Variants in SLF1 observed in about 807,000 individuals in gnomAD.
SLF1 encodes the protein SMC5-SMC6 complex localization factor protein 1.
SLF1 carries 105 observed loss-of-function variants against 123.0 expected under a neutral mutation model. That is an observed-to-expected ratio of 0.85 (90% CI 0.73 to 1.00). SLF1 has a LOEUF of 1.00. SLF1 is among the 50% of genes least tolerant of loss of function. The pLI, the probability that SLF1 is intolerant of heterozygous loss-of-function variation, is 0.00. For missense variants in SLF1, 1,239 were observed against 1,223.0 expected (o/e 1.01, Z -0.20); for synonymous variants, 434 against 406.6 (o/e 1.07, Z -0.81).
intron 4 of SLF1, among the ~76,000 whole-genome samples, chr5:94,637,203 T>C (rs1447809047): frequency 6.6e-6 from 1 of 152,196 alleles, no homozygotes; most frequent in East Asian, 1.9e-4. Context: ...AGGTGTTCTT[T>C]GGCAGGGACA....
chr5:94,644,680 T>A (rs1346217098), intron 5 of SLF1, among the ~76,000 whole-genome samples: 1 of 152,172 alleles, frequency 6.6e-6, no homozygotes, highest in Non-Finnish European at 1.5e-5. Flanking sequence ...CCTGTTACAA[T>A]GTTACTCTAC....
rs1487506176 is a variant in SLF1, at chr5:94,692,241, C to G, written c.2680C>G (p.Leu894Val). Residue 894 changes from leucine (L) to valine (V), a missense_variant, in exon 20 of 21, where the codon CTA (leucine) becomes GTA (valine). Transcript: ENST00000265140. ...SNGHVEIGKL[L>V]LQHGGPVLLQ... The stretch of plus-strand genomic sequence containing the variant: ...CGGACATGTAGAAATTGGCAAGCTG[C>G]TACTACAGCATGGGGGTGAGTGTGT... 1.5e-5 allele frequency: 24 copies of G among 1,613,386 alleles called. No individual in the cohort carries two copies. The highest frequency in any genetic ancestry group is 1.9e-5 in the Non-Finnish European group (23 of 1,179,608).
chr5:94,619,929 C>T (rs1296970065), intron 1 of SLF1: 1 of 152,218 alleles, frequency 6.6e-6, no homozygotes, highest in Admixed American at 6.5e-5. Flanking sequence ...GTTGCCCAGG[C>T]TGGAGTGCAG....
chr5:94,630,519 C>G lies in SLF1; in HGVS notation c.207C>G (p.Thr69=). Residue 69 remains threonine (T), a synonymous_variant, in exon 4 of 21, where the codon ACC becomes ACG. Coordinates refer to ENST00000265140, the MANE Select transcript of SLF1 (RefSeq NM_032290.4). The part of the protein sequence containing the change: ...AACAAGKWIL[T]KDYIIHSAKS... ...GCTTTCTAGGAAAGTGGATACTAAC[C>G]AAGGACTATATAATTCATAGTGCCA... 3 of 1,550,972 alleles carry G rather than the reference C, an allele frequency of 1.9e-6. No individual in the cohort carries two copies. The highest frequency in any genetic ancestry group is 2.6e-6 in the Non-Finnish European group (3 of 1,146,418).
intron 9 of SLF1, among the ~76,000 whole-genome samples, chr5:94,657,391 G>A (rs1748530888): frequency 6.6e-6 from 1 of 151,930 alleles, no homozygotes; most frequent in Non-Finnish European, 1.5e-5. Flanking sequence ...TTATTCCATT[G>A]TTGTCTGAGA....
At chr5:94,618,842 A>C (rs1297009568) in intron 1 of SLF1, 77 bp downstream of exon 1, 1 of 154,814 alleles carries the variant, frequency 6.5e-6, no homozygotes, top group Admixed American at 6.5e-5. Context: ...GTACCTCCGA[A>C]GTTTCTGCCT....
chr5:94,640,162 T>C (rs1052451683), intron 4 of SLF1, among the ~76,000 whole-genome samples: 3 of 152,244 alleles, frequency 2.0e-5, no homozygotes, highest in African/African-American at 4.8e-5. Context: ...AAGAACTCTT[T>C]TTAACAGTTC....
intron 4 of SLF1, among the ~76,000 whole-genome samples, chr5:94,641,018 A>G (rs1746378050): frequency 6.6e-6 from 1 of 151,730 alleles, no homozygotes; most frequent in Middle Eastern, 3.2e-3. Context: ...TATTTTTTTT[A>G]TTGCATGCCG....
At chr5:94,635,337 CTTTTTTTTTTTTT>C (rs34524874) in intron 4 of SLF1, among the ~76,000 whole-genome samples, 9 of 43,882 alleles carry the variant, frequency 2.1e-4, no homozygotes, top group Non-Finnish European at 8.4e-5. Context: ...ACATACTCGG[CTTTTTTTTTTTTT>C]TTTTTTTTTT....
In SLF1 at chr5:94,623,887, T is replaced by C. The variant is rs1326737794; in HGVS notation, c.1-4924T>C. On this transcript the variant is annotated intron_variant, in intron 1 of 20. Transcript: ENST00000265140. Reference sequence around the variant, plus strand: ...CAGTATATCTATACATGTTTATATCTATTCCTACATATATAGTTTTCCTGT... The same window carrying C: ...CAGTATATCTATACATGTTTATATCCATTCCTACATATATAGTTTTCCTGT... Among the ~76,000 whole-genome samples, 3 of 152,206 alleles carry C rather than the reference T, an allele frequency of 2.0e-5. No homozygotes were observed. In the East Asian group the frequency reaches 5.8e-4, roughly 29 times the overall value.
Position 94,686,643 on chromosome 5 carries a change from A to G in SLF1, c.2046A>G (p.Ala682=). The change falls in exon 16 of 21, where the codon GCA becomes GCG. Residue 682 remains alanine (A), a synonymous_variant. Coordinates refer to ENST00000265140, the MANE Select transcript of SLF1 (RefSeq NM_032290.4). ...FSSSWLQMFV[A]EAVFKKLCLQ... ...CCTCCTGGCTTCAAATGTTTGTTGCAGAGGCAGTCTTTAAAAAGTTGTGTC... is the reference window on the plus strand; with the variant it reads ...CCTCCTGGCTTCAAATGTTTGTTGCGGAGGCAGTCTTTAAAAAGTTGTGTC... The G allele has an allele frequency of 1.2e-6, 2 of 1,614,100 alleles. No individual in the cohort carries two copies. The highest frequency in any genetic ancestry group is 1.7e-6 in the Non-Finnish European group (2 of 1,179,960).
rs534868485 is a variant in SLF1, at chr5:94,629,156, C to T, written c.179C>T (p.Ala60Val). Residue 60 changes from alanine to valine, a missense_variant, in exon 3 of 21, where the codon GCT becomes GTT. Physicochemically the swap from Ala to Val is moderately conservative, Grantham distance 64. Coordinates refer to ENST00000265140, the MANE Select transcript of SLF1 (RefSeq NM_032290.4). The part of the protein sequence containing the change: ...RLCKSEKFLA[A>V]CAAGKWILTK... ...TGTAAGAGTGAAAAATTTTTAGCAGCTTGTGCGGCAGGTAAGTTAACTGTC... is the reference window on the plus strand; with the variant it reads ...TGTAAGAGTGAAAAATTTTTAGCAGTTTGTGCGGCAGGTAAGTTAACTGTC... The T allele has an allele frequency of 3.2e-6, 5 of 1,547,864 alleles. No individual in the cohort carries two copies. The African/African-American group carries it at 5.5e-5, about 17-fold the overall frequency.
chr5:94,658,735 G>T (rs1050720171), intron 9 of SLF1, among the ~76,000 whole-genome samples: 1 of 152,080 alleles, frequency 6.6e-6, no homozygotes, highest in Non-Finnish European at 1.5e-5. Context: ...CTATGCCTTT[G>T]CCCATCACTT....
At chr5:94,683,919 A>T (rs1180373563) in intron 15 of SLF1, among the ~76,000 whole-genome samples, 1 of 152,200 alleles carries the variant, frequency 6.6e-6, no homozygotes, top group South Asian at 2.1e-4. Context: ...TATATACTGT[A>T]AGGACTACAA....
At position 94,678,681 on chromosome 5, in the gene SLF1, T is replaced by G. The variant is rs1039278831; in HGVS notation, c.1828-127T>G. On this transcript the variant is annotated intron_variant, in intron 14 of 20. Transcript: ENST00000265140. ...TTAGCTAGGGTTCTTAAGAATACCT[T>G]TAATCATTACATACCCTGTATTTTT... is the stretch of plus-strand genomic sequence containing the variant. 2.2e-5 allele frequency: 17 copies of G among 772,804 alleles called. 1 individual carries two copies. The highest frequency in any genetic ancestry group is 2.8e-5 in the East Asian group (1 of 36,180). The allele number at this position is 772,804 out of a possible 1,614,324, so 47.9% of individuals were successfully genotyped here.
intron 4 of SLF1, among the ~76,000 whole-genome samples, chr5:94,634,618 A>G (rs1745552231): frequency 6.6e-6 from 1 of 152,226 alleles, no homozygotes; most frequent in Non-Finnish European, 1.5e-5. Context: ...ACTGTCGTGA[A>G]TAATGCTGCA....
chr5:94,651,475 A>G (rs886246482), intron 6 of SLF1, among the ~76,000 whole-genome samples: 2 of 152,226 alleles, frequency 1.3e-5, no homozygotes, highest in East Asian at 3.8e-4. Context: ...GCACATAGGT[A>G]AACTAAAGCA....
chr5:94,630,473 T>C (rs1448496881), intron 3 of SLF1, 30 bp from the exon 4 acceptor site: 5 of 1,527,642 alleles, frequency 3.3e-6, no homozygotes, highest in Non-Finnish European at 4.4e-6. Context: ...CCAAAATTCC[T>C]TTGTGACTGA....
At chr5:94,640,546 A>G (rs1746326459) in intron 4 of SLF1, among the ~76,000 whole-genome samples, 1 of 152,126 alleles carries the variant, frequency 6.6e-6, no homozygotes, top group Non-Finnish European at 1.5e-5. Flanking sequence ...TTTATTAAAT[A>G]TGATACTCTC....
Sources: gnomAD v4.1 joint callset for allele counts (sites outside exome capture counted in the v4.1 genomes callset) on GRCh38, gnomAD v4.1.1 for gene constraint, MANE v1.5 for transcripts, NCBI Gene and HGNC (gene_info 2026-07-23, HGNC 2026-07-21) for gene names.